Variants in USP35 observed in about 807,000 individuals in gnomAD.
The protein encoded by USP35 is ubiquitin carboxyl-terminal hydrolase 35.
USP35 carries 69 observed loss-of-function variants against 83.8 expected under a neutral mutation model. The ratio of observed to expected loss-of-function variants is 0.82; its 90% CI spans 0.68 to 1.01. The LOEUF (loss-of-function observed/expected upper bound fraction) is 1.01, where lower values mean the gene tolerates loss of function less well. Among genes scored for constraint, USP35 ranks in the 50% least tolerant of loss-of-function variants. The pLI is 0.00. For synonymous variants in USP35, 714 were observed against 589.5 expected, an observed-to-expected ratio of 1.21 and a Z score of -3.06; for missense variants, 1,503 against 1,362.5, an observed-to-expected ratio of 1.10 and a Z score of -1.62.
Position 78,215,104 on chromosome 11 carries a change from A to C in USP35, c.*1291A>C, listed in dbSNP as rs896756817. 1.3e-5 allele frequency among the ~76,000 whole-genome samples: 2 copies of C among 152,200 alleles called. No homozygotes were observed. Among genetic ancestry groups the C allele is most frequent in the South Asian group, 2.1e-4 (1 of 4,828 alleles). Reference sequence around the variant, plus strand: ...CAGAACCCATCTCTAGACGCCTAAGAAAGCTGGATGGGTAAATGCTAGTAT... The same window carrying C: ...CAGAACCCATCTCTAGACGCCTAAGCAAGCTGGATGGGTAAATGCTAGTAT... On this transcript the variant is annotated 3_prime_UTR_variant, in exon 11 of 11. Transcript: ENST00000529308.
At position 78,204,180 on chromosome 11, in the gene USP35, G is replaced by A. The variant is rs139111983; in HGVS notation, c.1198-1662G>A. ...GCTGGGATTACAGGCGTGAGCCACC[G>A]CGCCCGGCCTATTTTTCTTTGAATG... On this transcript the variant is annotated intron_variant, in intron 6 of 10. Transcript: ENST00000529308. Among the ~76,000 whole-genome samples the A allele has an allele frequency of 1.4e-3, 211 of 152,272 alleles. 3 individuals are homozygous for A. In the South Asian group the frequency reaches 0.017, roughly 12 times the overall value.
chr11:78,196,427 G>C lies in USP35; in HGVS notation c.182G>C (p.Gly61Ala). ...GCGGAGGAGCTGCCGCGCCGCGTGG[G>C]CTGCCAGCTGCTGCACGTGGCCGGC... Reference protein sequence around the residue: ...GGAEELPRRVGCQLLHVAGRH... With the variant: ...GGAEELPRRVACQLLHVAGRH... The change falls in exon 2 of 11, where the codon GGC becomes GCC. Residue 61 changes from glycine (G) to alanine (A), a missense_variant. Gly to Ala is a moderately conservative substitution (Grantham distance 60). Transcript: ENST00000529308. This position sits in a 1 kb window ranked among gnomAD's most constrained non-coding sequence, Gnocchi z 4.8. 1 of 1,285,520 alleles carries C rather than the reference G, an allele frequency of 7.8e-7. No homozygotes were observed. The highest frequency in any genetic ancestry group is 9.8e-7 in the Non-Finnish European group (1 of 1,018,378). The allele number at this position is 1,285,520 out of a possible 1,614,324, so 79.6% of individuals were successfully genotyped here.
At chr11:78,208,786 C>G (rs1374543390) in intron 8 of USP35, 71 bp from the exon 9 acceptor site, 6 of 1,549,252 alleles carry the variant, frequency 3.9e-6, no homozygotes, top group South Asian at 1.1e-5. Flanking sequence ...ACCCTCAGGC[C>G]TAACCTGTGC....
At chr11:78,208,557 CGGGAGAGAATGGCAGTGAGTGGAGGCA>C (rs1487261605) in intron 8 of USP35, among the ~76,000 whole-genome samples, 22 of 152,092 alleles carry the variant, frequency 1.4e-4, no homozygotes, top group African/African-American at 1.7e-4. Flanking sequence ...CTCATCTTGA[CGGGAGAGAATGGCAGTGAGTGGAGGCA>C]GGGAGAGAAT....
chr11:78,226,616 T>TGGGGGGGGGGGG, the USP35 span: 1 of 488,460 alleles, frequency 2.0e-6, no homozygotes, highest in Non-Finnish European at 3.2e-6. Flanking sequence ...GGGGGCGGGG[T>TGGGGGGGGGGGG]GGGGGAGCTA....
intron 7 of USP35, chr11:78,207,184 A>G (rs1326720521): frequency 5.2e-6 from 1 of 193,714 alleles, no homozygotes; most frequent in Non-Finnish European, 1.1e-5. Flanking sequence ...ATTGGCATGG[A>G]TCCTGTGGCA....
At chr11:78,209,301 T>G in intron 9 of USP35, 147 bp from the exon 10 acceptor site, 2 of 845,810 alleles carry the variant, frequency 2.4e-6, no homozygotes, top group Admixed American at 2.9e-5. Context: ...AGCATGTACG[T>G]GGATGTGTGG....
At chr11:78,234,905 G>A in the USP35 span, among the ~76,000 whole-genome samples, 2 of 151,920 alleles carry the variant, frequency 1.3e-5, no homozygotes, top group Non-Finnish European at 2.9e-5. Context: ...AGCTACTCAG[G>A]AGGCTGAGGC....
chr11:78,225,635 G>A, the USP35 span, among the ~76,000 whole-genome samples: 1 of 152,210 alleles, frequency 6.6e-6, no homozygotes, highest in South Asian at 2.1e-4. Flanking sequence ...GTTCCAAAAC[G>A]GAGTATGACT....
chr11:78,198,090 A>G, intron 3 of USP35, 22 bp downstream of exon 3: 2 of 1,613,858 alleles, frequency 1.2e-6, no homozygotes, highest in Non-Finnish European at 1.7e-6. Flanking sequence ...AGGCTGAGCC[A>G]TGATCAGGGC....
At chr11:78,199,046 G>C (rs949344596) in intron 3 of USP35, 1 of 156,564 alleles carries the variant, frequency 6.4e-6, no homozygotes. Flanking sequence ...CAGGCAGGCT[G>C]TGTTGTGGGG....
chr11:78,224,907 A>G, the USP35 span, among the ~76,000 whole-genome samples: 2 of 152,156 alleles, frequency 1.3e-5, no homozygotes, highest in South Asian at 2.1e-4. Context: ...ACCTTAGCAC[A>G]TACATTTCTT....
rs772394709 is a variant in USP35 at position 78,213,783 on chromosome 11, T to G, written c.3027T>G (p.Asn1009Lys). 10 of 1,550,302 alleles carry G rather than the reference T, an allele frequency of 6.5e-6. No homozygotes were observed. In the South Asian group the frequency reaches 8.7e-5, roughly 13 times the overall value. The change falls in exon 11 of 11, where the codon AAT becomes AAG. Residue 1009 changes from asparagine to lysine, a missense_variant. Coordinates refer to ENST00000529308, the MANE Select transcript of USP35 (RefSeq NM_020798.4). ...SPGGCNPAGG[N>K]GGDFHRLVF is the part of the protein sequence containing the mutation. ...GGGGCTGCAATCCTGCAGGTGGCAA[T>G]GGTGGTGACTTCCACAGACTGGTCT...
At chr11:78,191,338 C>T (rs998335526) in intron 1 of USP35, among the ~76,000 whole-genome samples, 2 of 152,198 alleles carry the variant, frequency 1.3e-5, no homozygotes, top group Non-Finnish European at 2.9e-5. Context: ...GTGCTCACTG[C>T]GTGCCTTGGA....
the USP35 span, among the ~76,000 whole-genome samples, chr11:78,225,546 A>C: frequency 6.6e-5 from 10 of 152,248 alleles, no homozygotes; most frequent in African/African-American, 2.4e-4. Flanking sequence ...CCTGATTTAT[A>C]TGTGTTGGTT....
chr11:78,209,655 CCCT>C lies in USP35; in HGVS notation c.1807_1809del (p.Pro603del), dbSNP rs772749285. 8 of 1,614,096 alleles carry C rather than the reference CCCT, an allele frequency of 5.0e-6. No homozygotes were observed. Among genetic ancestry groups the C allele is most frequent in the Non-Finnish European group, 4.2e-6 (5 of 1,179,972 alleles). On this transcript the variant is annotated inframe_deletion, in exon 10 of 11. Coordinates refer to ENST00000529308, the MANE Select transcript of USP35 (RefSeq NM_020798.4). ...CCTTCACGGACCTCTCTCTCGCCTT[CCCT>C]CCTCCTGAGCGCTGTCGCCGCCGCC...
intron 6 of USP35, among the ~76,000 whole-genome samples, chr11:78,203,571 T>C (rs879915101): frequency 1.9e-4 from 29 of 151,304 alleles, no homozygotes; most frequent in Admixed American, 5.9e-4. Flanking sequence ...TGTTTACATG[T>C]TTTAATATTA....
Position 78,214,946 on chromosome 11 carries a change from G to T in USP35, c.*1133G>T, listed in dbSNP as rs1420439299. ...GTGGAGAGGATGCACCTGGGAGGCAGCTCTCAAGCCTTTACCTACCTCCTT... is the reference window on the plus strand; with the variant it reads ...GTGGAGAGGATGCACCTGGGAGGCATCTCTCAAGCCTTTACCTACCTCCTT... On this transcript the variant is annotated 3_prime_UTR_variant, in exon 11 of 11. Coordinates refer to ENST00000529308, the MANE Select transcript of USP35 (RefSeq NM_020798.4). Among the ~76,000 whole-genome samples the T allele has an allele frequency of 6.6e-6, 1 of 152,088 alleles. No homozygotes were observed. The highest frequency in any genetic ancestry group is 6.6e-5 in the Admixed American group (1 of 15,254).
chr11:78,221,958 C>A, the USP35 span: 1 of 699,126 alleles, frequency 1.4e-6, no homozygotes, highest in Non-Finnish European at 2.6e-6. Context: ...GCTGAGGAAA[C>A]CAAGCCACAA....
Sources: allele counts gnomAD v4.1 joint callset (sites outside exome capture counted in the v4.1 genomes callset), GRCh38; gene constraint gnomAD v4.1.1; non-coding constraint Gnocchi (gnomAD v3.1); transcripts MANE v1.5; gene names NCBI Gene and HGNC (gene_info 2026-07-23, HGNC 2026-07-21).